RUFY2: variants seen among roughly 807,000 people sequenced by gnomAD.
RUFY2 encodes the protein RUN and FYVE domain-containing protein 2.
In RUFY2, 49 loss-of-function variants were observed where a neutral mutation model predicts 94.4. That is an observed-to-expected ratio of 0.52 (90% CI 0.41 to 0.66). The LOEUF is 0.66. Among genes scored for constraint, RUFY2 ranks in the 30% least tolerant of loss-of-function variants. RUFY2 has a pLI of 0.00. For synonymous variants in RUFY2, 255 were observed against 235.7 expected (o/e 1.08, Z -0.75); for missense variants, 541 against 692.8 (o/e 0.78, Z 2.46).
chr10:68,396,680 A>G, intron 4 of RUFY2, 100 bp downstream of exon 4: 3 of 665,492 alleles, frequency 4.5e-6, no homozygotes, highest in East Asian at 2.8e-5. Context: ...TCATTTTATT[A>G]TATGTTATAT....
chr10:68,351,174 C>CGTCT (rs1375738610), intron 16 of RUFY2, among the ~76,000 whole-genome samples: 1 of 125,516 alleles, frequency 8.0e-6, no homozygotes, highest in Non-Finnish European at 1.6e-5. Flanking sequence ...CCCTGTTGCC[C>CGTCT]AGACTGGAGT....
chr10:68,376,840 G>C lies in RUFY2; in HGVS notation c.1325+13C>G. ...TTAACACAAGTATTTGTTTCTGAGA[G>C]TGAAATACTCACAGCTGTTTCTCCT... On this transcript the variant is annotated intron_variant, in intron 13 of 17. Coordinates refer to ENST00000602465, the MANE Select transcript of RUFY2 (RefSeq NM_001330103.2). The C allele has an allele frequency of 1.9e-6, 3 of 1,611,262 alleles. No individual in the cohort carries two copies. Among genetic ancestry groups the C allele is most frequent in the Non-Finnish European group, 2.5e-6 (3 of 1,177,710 alleles).
chr10:68,381,139 A>T, intron 11 of RUFY2, 93 bp downstream of exon 11: 1 of 901,548 alleles, frequency 1.1e-6, no homozygotes, highest in Non-Finnish European at 1.7e-6. Flanking sequence ...TTGCACAGTT[A>T]AAATAAAATG....
At chr10:68,405,078 G>C (rs1293326558) in intron 1 of RUFY2, among the ~76,000 whole-genome samples, 1 of 152,128 alleles carries the variant, frequency 6.6e-6, no homozygotes, top group Non-Finnish European at 1.5e-5. Context: ...ACTTTGGGAG[G>C]CCAAGGCGGG....
chr10:68,363,238 C>T (rs536500916), intron 15 of RUFY2, among the ~76,000 whole-genome samples: 58 of 152,256 alleles, frequency 3.8e-4, no homozygotes, highest in African/African-American at 1.3e-3. Flanking sequence ...TGTCGCCAGG[C>T]TGGAGTCAGC....
chr10:68,382,733 A>G (rs1259998795), intron 10 of RUFY2, among the ~76,000 whole-genome samples: 2 of 135,376 alleles, frequency 1.5e-5, no homozygotes, highest in Non-Finnish European at 3.0e-5. Context: ...AAAAAAGAAA[A>G]AAAAAAGAAA....
At position 68,393,218 on chromosome 10, in the gene RUFY2, A is replaced by C; in HGVS notation, c.585-15T>G. ...TTTGAACATTCCTAAATGAGGAAAA[A>C]AGTAGCTTTGTGCTAGTTGAAAAGG... On this transcript the variant is annotated splice_polypyrimidine_tract_variant and intron_variant, in intron 6 of 17. Transcript: ENST00000602465. The C allele has an allele frequency of 6.7e-7, 1 of 1,485,808 alleles. No homozygotes were observed. The highest frequency in any genetic ancestry group is 9.2e-7 in the Non-Finnish European group (1 of 1,085,812). The allele number at this position is 1,485,808 out of a possible 1,614,324, so 92.0% of individuals were successfully genotyped here. A position where few individuals can be genotyped will look rare whatever the true frequency, so the allele number is the denominator to read the frequency against.
chr10:68,351,445 C>CTT (rs71009049), intron 16 of RUFY2, among the ~76,000 whole-genome samples: 7 of 63,346 alleles, frequency 1.1e-4, no homozygotes, highest in South Asian at 5.9e-4. Flanking sequence ...CTCCACCCAT[C>CTT]TTTTTTTTTT....
chr10:68,342,367 G>A (rs944260098), downstream of RUFY2: 2 of 226,768 alleles, frequency 8.8e-6, no homozygotes, highest in Non-Finnish European at 1.7e-5. Context: ...AGTTCTACAA[G>A]AAGTAGTGTG....
chr10:68,341,932 A>T (rs745866608), downstream of RUFY2: 40 of 1,600,232 alleles, frequency 2.5e-5, no homozygotes, highest in Admixed American at 6.7e-4. Flanking sequence ...TTATTATTTT[A>T]TGCAGATATC....
At chr10:68,370,566 G>A (rs1212625279) in intron 13 of RUFY2, among the ~76,000 whole-genome samples, 2 of 149,126 alleles carry the variant, frequency 1.3e-5, no homozygotes, top group African/African-American at 4.9e-5. Context: ...AGGATCACTT[G>A]AGTCCAGAAG....
chr10:68,406,983 G>A (rs2051375333), intron 1 of RUFY2: 1 of 1,530,440 alleles, frequency 6.5e-7, no homozygotes, highest in African/African-American at 1.4e-5. Context: ...GGCGGGAACG[G>A]GCCGGAACAA....
At chr10:68,402,691 A>C (rs2050939786) in intron 2 of RUFY2, among the ~76,000 whole-genome samples, 1 of 151,012 alleles carries the variant, frequency 6.6e-6, no homozygotes, top group Admixed American at 6.6e-5. Context: ...TTTTTTGAAA[A>C]TCAAGTCTCA....
intron 12 of RUFY2, chr10:68,379,110 C>CT (rs1448002500): frequency 7.0e-6 from 2 of 284,016 alleles, no homozygotes; most frequent in African/African-American, 4.5e-5. Flanking sequence ...TAATCTCACT[C>CT]TGTTTGTTCA....
intron 15 of RUFY2, chr10:68,355,654 C>CCTGT (rs2046993028): frequency 3.7e-6 from 1 of 272,306 alleles, no homozygotes; most frequent in African/African-American, 2.3e-5. Context: ...GTGGCTCATG[C>CCTGT]CTGTAATCCC....
At chr10:68,359,412 ATG>A (rs1474742601) in intron 15 of RUFY2, among the ~76,000 whole-genome samples, 12 of 146,142 alleles carry the variant, frequency 8.2e-5, no homozygotes, top group South Asian at 2.1e-4. Context: ...ATATATAAAT[ATG>A]TGTGTATTGC....
intron 7 of RUFY2, among the ~76,000 whole-genome samples, chr10:68,389,944 T>C (rs1486791086): frequency 2.0e-5 from 3 of 152,290 alleles, no homozygotes; most frequent in Middle Eastern, 6.8e-3. Context: ...GAACCTAATA[T>C]ATTAATTACT....
intron 13 of RUFY2, among the ~76,000 whole-genome samples, chr10:68,370,671 A>G (rs1013300800): frequency 1.3e-5 from 2 of 152,084 alleles, no homozygotes; most frequent in African/African-American, 4.8e-5. Flanking sequence ...CAAACAAAAC[A>G]AACAACAAAA....
At position 68,392,693 on chromosome 10, in the gene RUFY2, C is replaced by T. The variant is rs186154255; in HGVS notation, c.650+445G>A. Among the ~76,000 whole-genome samples the T allele has an allele frequency of 3.8e-3, 573 of 150,598 alleles. 23 individuals are homozygous for T. The East Asian group carries it at 0.097, about 25-fold the overall frequency. On this transcript the variant is annotated intron_variant, in intron 7 of 17. Coordinates refer to ENST00000602465, the MANE Select transcript of RUFY2 (RefSeq NM_001330103.2). ...ATCTCAGCACTTTGGGAGGCCAAGG[C>T]GGGCAGATCACAGGGTCAGGAGATT...
Sources: gnomAD v4.1 joint callset for allele counts (sites outside exome capture counted in the v4.1 genomes callset) on GRCh38, gnomAD v4.1.1 for gene constraint, MANE v1.5 for transcripts, NCBI Gene and HGNC (gene_info 2026-07-23, HGNC 2026-07-21) for gene names.